The following DNM1L variants were observed in gnomAD, a reference collection of about 807,000 sequenced individuals.
The protein encoded by DNM1L is dynamin-1-like protein.
A neutral mutation model predicts 92.8 loss-of-function variants in DNM1L; 33 were observed. That is an observed-to-expected ratio of 0.36 (90% CI 0.27 to 0.48). The LOEUF is 0.48. Among genes scored for constraint, DNM1L ranks in the 20% least tolerant of loss-of-function variants. The pLI is 0.99. For missense variants in DNM1L, 485 were observed against 888.8 expected (o/e 0.55, Z 5.78); for synonymous variants, 284 against 305.0 (o/e 0.93, Z 0.72).
At chr12:32,737,292 A>G in intron 14 of DNM1L, 131 bp downstream of exon 14, 1 of 857,046 alleles carries the variant, frequency 1.2e-6, no homozygotes, top group East Asian at 2.7e-5. Flanking sequence ...CTAACTGAGT[A>G]AAGGCATACA....
chr12:32,732,692 A>G (rs1954628791), intron 12 of DNM1L: 1 of 422,266 alleles, frequency 2.4e-6, no homozygotes. Context: ...GCCCAGAATC[A>G]TTGGACCTTC....
chr12:32,721,550 T>G (rs887467229), intron 8 of DNM1L, among the ~76,000 whole-genome samples: 1 of 152,214 alleles, frequency 6.6e-6, no homozygotes, highest in African/African-American at 2.4e-5. Context: ...GTTTTTTTCC[T>G]TTTCACACAC....
chr12:32,736,963 T>C, intron 13 of DNM1L, 142 bp from the exon 14 acceptor site: 2 of 759,372 alleles, frequency 2.6e-6, no homozygotes, highest in Non-Finnish European at 4.3e-6. Context: ...TATTTTAAAA[T>C]ATGATAATTA....
intron 5 of DNM1L, among the ~76,000 whole-genome samples, chr12:32,712,273 T>C (rs1429374876): frequency 6.6e-6 from 1 of 152,094 alleles, no homozygotes; most frequent in Non-Finnish European, 1.5e-5. Flanking sequence ...GTCTAAAATA[T>C]CTACTTGTTA....
Position 32,740,247 on chromosome 12 carries a change from C to T in DNM1L, c.1884+7C>T, listed in dbSNP as rs200825061. 1 of 1,614,102 alleles carries T rather than the reference C, an allele frequency of 6.2e-7. No individual in the cohort carries two copies. Among genetic ancestry groups the T allele is most frequent in the East Asian group, 2.2e-5 (1 of 44,886 alleles). On this transcript the variant is annotated splice_region_variant and intron_variant, in intron 17 of 19. Coordinates refer to ENST00000549701, the MANE Select transcript of DNM1L (RefSeq NM_012062.5). The stretch of plus-strand genomic sequence containing the variant: ...CGTGAACCTGCTAGATGTGGTAAGC[C>T]ATGACAATTTGGTTTAGGTAATAAG...
Position 32,737,862 on chromosome 12 carries a change from T to C in DNM1L, c.1597-3T>C, listed in dbSNP as rs1955006009. The C allele has an allele frequency of 4.3e-6, 7 of 1,614,036 alleles. No individual in the cohort carries two copies. The highest frequency in any genetic ancestry group is 5.9e-6 in the Non-Finnish European group (7 of 1,179,950). On this transcript the variant is annotated splice_polypyrimidine_tract_variant and splice_region_variant and intron_variant, in intron 14 of 19. Transcript: ENST00000549701. ...TTTTCCCCCCTGGATTTTTTGCCTT[T>C]AGTCTTCTAAAGTTCCAAGTGCTTT...
intron 1 of DNM1L, among the ~76,000 whole-genome samples, chr12:32,689,005 G>A (rs1952131401): frequency 6.6e-6 from 1 of 152,126 alleles, no homozygotes; most frequent in South Asian, 2.1e-4. Flanking sequence ...GAGGGCTGTA[G>A]TTCACTGTGA....
intron 12 of DNM1L, 127 bp downstream of exon 12, chr12:32,732,070 G>T: frequency 1.4e-6 from 1 of 705,420 alleles, no homozygotes; most frequent in Non-Finnish European, 2.4e-6. Flanking sequence ...CAGTGTATTG[G>T]GAGGAAAAAC....
chr12:32,738,226 G>C (rs763547397), intron 15 of DNM1L, 38 bp from the exon 16 acceptor site: 1 of 1,610,478 alleles, frequency 6.2e-7, no homozygotes, highest in African/African-American at 1.3e-5. Flanking sequence ...TTTAAATTTT[G>C]CTTGTTAAAT....
chr12:32,692,646 G>GT (rs57445054), intron 1 of DNM1L: 23,392 of 152,352 alleles, frequency 0.15, 1,900 homozygotes, highest in African/African-American at 0.2. Flanking sequence ...CCAATGTATA[G>GT]TTTTTTGTGG....
At chr12:32,698,346 C>T (rs1039376139) in intron 1 of DNM1L, among the ~76,000 whole-genome samples, 2 of 152,128 alleles carry the variant, frequency 1.3e-5, no homozygotes, top group African/African-American at 4.8e-5. Flanking sequence ...CTTGATTCCC[C>T]CATCTCATAC....
rs1955041529 is a variant in DNM1L at position 32,738,296 on chromosome 12, T to C, written c.1707T>C (p.Asn569=). The change falls in exon 16 of 20, where the codon AAT becomes AAC. Residue 569 remains asparagine (N), a splice_region_variant and synonymous_variant. Coordinates refer to ENST00000549701, the MANE Select transcript of DNM1L (RefSeq NM_012062.5). ...LIQDSRRETK[N]VASGGGGVGD... ...AGGACAGCAGAAGAGAAACTAAAAATGTGAGTCTCTTGCTTCAGAATGGAA... is the reference window on the plus strand; with the variant it reads ...AGGACAGCAGAAGAGAAACTAAAAACGTGAGTCTCTTGCTTCAGAATGGAA... The C allele has an allele frequency of 1.2e-6, 2 of 1,613,510 alleles. No homozygotes were observed. The highest frequency in any genetic ancestry group is 1.3e-5 in the African/African-American group (1 of 74,912).
chr12:32,730,647 T>C (rs1252889307), intron 9 of DNM1L, among the ~76,000 whole-genome samples: 1 of 152,178 alleles, frequency 6.6e-6, no homozygotes, highest in Non-Finnish European at 1.5e-5. Context: ...ATGGAAAAAG[T>C]TTGCCAACCT....
chr12:32,731,333 A>G lies in DNM1L; in HGVS notation c.1201-23A>G, dbSNP rs772556850. ...GAACTGAAATTACATATATAATAAG[A>G]GTTCTAAGTTTTATTTTCTCAGGGT... On this transcript the variant is annotated intron_variant, in intron 10 of 19. Transcript: ENST00000549701. The surrounding 1 kb of genome is among the most constrained non-coding windows in gnomAD (Gnocchi z 5.1). 1.2e-6 allele frequency: 2 copies of G among 1,613,898 alleles called. No individual in the cohort carries two copies. The highest frequency in any genetic ancestry group is 2.2e-5 in the South Asian group (2 of 91,054).
intron 17 of DNM1L, 45 bp downstream of exon 17, chr12:32,740,285 G>A (rs1481416294): frequency 1.2e-5 from 19 of 1,613,602 alleles, no homozygotes; most frequent in Non-Finnish European, 1.5e-5. Flanking sequence ...AGGTGACCAA[G>A]TTAGTAGGAA....
intron 3 of DNM1L, among the ~76,000 whole-genome samples, chr12:32,707,748 G>A (rs770476580): frequency 2.6e-5 from 4 of 151,978 alleles, no homozygotes; most frequent in Non-Finnish European, 4.4e-5. Flanking sequence ...CCAGGAGTTC[G>A]AGTCCAGCCT....
chr12:32,690,111 T>C (rs948970940), intron 1 of DNM1L, among the ~76,000 whole-genome samples: 2 of 152,206 alleles, frequency 1.3e-5, no homozygotes, highest in Non-Finnish European at 1.5e-5. Context: ...AGACATGGGA[T>C]GTTTAAATCA....
At chr12:32,692,124 CTTTTT>C (rs971985652) in intron 1 of DNM1L, among the ~76,000 whole-genome samples, 1 of 151,964 alleles carries the variant, frequency 6.6e-6, no homozygotes, top group Non-Finnish European at 1.5e-5. Context: ...ACCATTTTCT[CTTTTT>C]TTCTTTTTGG....
intron 16 of DNM1L, 130 bp from the exon 17 acceptor site, chr12:32,739,934 C>G (rs545140047): frequency 8.5e-7 from 1 of 1,176,148 alleles, no homozygotes; most frequent in African/African-American, 1.5e-5. Flanking sequence ...TCCTTCTGAC[C>G]TCATTATCTG....
Sources: allele counts gnomAD v4.1 joint callset (sites outside exome capture counted in the v4.1 genomes callset), GRCh38; gene constraint gnomAD v4.1.1; non-coding constraint Gnocchi (gnomAD v3.1); transcripts MANE v1.5; gene names NCBI Gene and HGNC (gene_info 2026-07-23, HGNC 2026-07-21).